The following SMAD3 variants were observed in gnomAD, a reference collection of about 807,000 sequenced individuals.
SMAD3 encodes the protein SMAD family member 3, also known as MAD homolog 3.
In SMAD3, 12 loss-of-function variants were observed where a neutral mutation model predicts 51.8. The ratio of observed to expected loss-of-function variants is 0.23; its 90% CI spans 0.15 to 0.38. The LOEUF is 0.38. Among genes scored for constraint, SMAD3 ranks in the 10% least tolerant of loss-of-function variants. SMAD3 has a pLI of 1.00. For synonymous variants in SMAD3, 238 were observed against 227.7 expected, an observed-to-expected ratio of 1.05 and a Z score of -0.41; for missense variants, 294 against 565.6, an observed-to-expected ratio of 0.52 and a Z score of 4.87.
At chr15:67,115,508 C>T (rs889018457) in intron 1 of SMAD3, among the ~76,000 whole-genome samples, 4 of 152,298 alleles carry the variant, frequency 2.6e-5, no homozygotes, top group African/African-American at 7.2e-5. Flanking sequence ...TGCTCAGAGC[C>T]GTGCTGGTTG....
chr15:67,148,182 G>GC (rs1339548895), intron 1 of SMAD3, among the ~76,000 whole-genome samples: 3 of 152,182 alleles, frequency 2.0e-5, no homozygotes, highest in Non-Finnish European at 4.4e-5. Context: ...TATTTGGAAT[G>GC]CTAGAAGGTA....
chr15:67,183,022 TATA>T (rs1963120354), intron 6 of SMAD3, among the ~76,000 whole-genome samples: 1 of 76,990 alleles, frequency 1.3e-5, no homozygotes, highest in Non-Finnish European at 2.4e-5. Flanking sequence ...TATATATATA[TATA>T]TATATATTTT....
chr15:67,083,604 A>C (rs1055334510), intron 1 of SMAD3, among the ~76,000 whole-genome samples: 1 of 152,196 alleles, frequency 6.6e-6, no homozygotes, highest in Admixed American at 6.5e-5. Flanking sequence ...TCAGAATTGC[A>C]GTTCAAACTA....
rs754796428 is a variant in SMAD3, at chr15:67,066,137, C to T, written c.-18C>T. The T allele has an allele frequency of 1.1e-5, 17 of 1,564,708 alleles. No homozygotes were observed. Among genetic ancestry groups the T allele is most frequent in the South Asian group, 2.3e-5 (2 of 85,710 alleles). On this transcript the variant is annotated 5_prime_UTR_variant, in exon 1 of 9. Transcript: ENST00000327367. ...CCCGCCGGGGGCGCTCCTCGCCGCC[C>T]GCGCGCCCTCCCCAGCCATGTCGTC... is the stretch of plus-strand genomic sequence containing the variant.
At chr15:67,099,115 C>T in intron 1 of SMAD3, 1 of 671,282 alleles carries the variant, frequency 1.5e-6, no homozygotes. Context: ...CTTCTGCATT[C>T]CTGGGAATAC....
At chr15:67,114,934 G>T (rs1961102750) in intron 1 of SMAD3, among the ~76,000 whole-genome samples, 1 of 152,170 alleles carries the variant, frequency 6.6e-6, no homozygotes. Context: ...TGTTGTTACT[G>T]CCTGTGGCTT....
intron 1 of SMAD3, chr15:67,138,586 A>G (rs1961732521): frequency 6.5e-6 from 1 of 153,174 alleles, no homozygotes; most frequent in African/African-American, 2.4e-5. Flanking sequence ...GGCAGCTGGA[A>G]TGCTGCTCTG....
At chr15:67,096,853 C>T (rs1456897285) in intron 1 of SMAD3, among the ~76,000 whole-genome samples, 1 of 152,196 alleles carries the variant, frequency 6.6e-6, no homozygotes, top group Non-Finnish European at 1.5e-5. Flanking sequence ...TGTGTGCTTG[C>T]TCTGAAGATT....
intron 5 of SMAD3, among the ~76,000 whole-genome samples, chr15:67,177,349 T>C (rs922545536): frequency 6.6e-6 from 1 of 152,038 alleles, no homozygotes; most frequent in Non-Finnish European, 1.5e-5. Flanking sequence ...AGAGTCCTTT[T>C]TGTTTCTCTG....
intron 1 of SMAD3, among the ~76,000 whole-genome samples, chr15:67,070,810 A>G (rs1365051847): frequency 2.0e-5 from 3 of 151,822 alleles, no homozygotes; most frequent in Non-Finnish European, 4.4e-5. Flanking sequence ...TGTACCTGCC[A>G]TTTTACCACC....
At chr15:67,133,760 C>T (rs910765534) in intron 1 of SMAD3, among the ~76,000 whole-genome samples, 1 of 152,122 alleles carries the variant, frequency 6.6e-6, no homozygotes, top group Non-Finnish European at 1.5e-5. Flanking sequence ...GAAGAGAGCA[C>T]TTTTTCAACA....
intron 1 of SMAD3, among the ~76,000 whole-genome samples, chr15:67,099,445 A>T (rs1416601840): frequency 6.6e-6 from 1 of 152,238 alleles, no homozygotes; most frequent in East Asian, 1.9e-4. Flanking sequence ...CACCTCCCCA[A>T]GGATTTTCTG....
intron 1 of SMAD3, among the ~76,000 whole-genome samples, chr15:67,072,315 A>G (rs1176345182): frequency 6.6e-6 from 1 of 152,206 alleles, no homozygotes; most frequent in Admixed American, 6.5e-5. Flanking sequence ...GAGCTCCTTA[A>G]TGAAATAAAT....
Position 67,065,783 on chromosome 15 carries a change from T to A in SMAD3, c.-372T>A, listed in dbSNP as rs1165668624. 1 of 202,338 alleles carries A rather than the reference T, an allele frequency of 4.9e-6. No individual in the cohort carries two copies. The highest frequency in any genetic ancestry group is 1.0e-5 in the Non-Finnish European group (1 of 98,120). The allele number at this position is 202,338 out of a possible 1,614,324, so 12.5% of individuals were successfully genotyped here. ...AGCGAAGTTTGGCCGGGGGTTGGAC[T>A]TTCCTTCCCGGAGGCGGCACCCAAA... On this transcript the variant is annotated 5_prime_UTR_variant, in exon 1 of 9. Coordinates refer to ENST00000327367, the MANE Select transcript of SMAD3 (RefSeq NM_005902.4).
intron 5 of SMAD3, among the ~76,000 whole-genome samples, chr15:67,175,432 A>G (rs1962864714): frequency 6.6e-6 from 1 of 152,046 alleles, no homozygotes; most frequent in African/African-American, 2.4e-5. Context: ...TGCCCTCTAG[A>G]TTGTGTAGAC....
At chr15:67,120,883 A>C (rs575605626) in intron 1 of SMAD3, among the ~76,000 whole-genome samples, 1 of 152,242 alleles carries the variant, frequency 6.6e-6, no homozygotes, top group East Asian at 1.9e-4. Flanking sequence ...TTTTTAGCTC[A>C]TCAGCTATCG....
intron 1 of SMAD3, among the ~76,000 whole-genome samples, chr15:67,147,992 G>A (rs905321527): frequency 6.6e-6 from 1 of 152,162 alleles, no homozygotes; most frequent in Non-Finnish European, 1.5e-5. Context: ...TCCATGTACA[G>A]TAGGGAAGAG....
Position 67,190,563 on chromosome 15 carries a change from A to G in SMAD3, c.*27A>G, listed in dbSNP as rs754534264. The G allele has an allele frequency of 6.2e-7, 1 of 1,612,798 alleles. No homozygotes were observed. Among genetic ancestry groups the G allele is most frequent in the Non-Finnish European group, 8.5e-7 (1 of 1,179,180 alleles). On this transcript the variant is annotated 3_prime_UTR_variant, in exon 9 of 9. Transcript: ENST00000327367. ...GACATCAAGTATGGTAGGGGAGGGC[A>G]GGCTTGGGGAAAATGGCCATGCAGG...
intron 1 of SMAD3, among the ~76,000 whole-genome samples, chr15:67,144,168 C>G (rs1961911173): frequency 6.6e-6 from 1 of 152,060 alleles, no homozygotes; most frequent in African/African-American, 2.4e-5. Context: ...GCCTGCTGCC[C>G]CCATCCCTAG....
Sources: allele counts gnomAD v4.1 joint callset (sites outside exome capture counted in the v4.1 genomes callset), GRCh38; gene constraint gnomAD v4.1.1; transcripts MANE v1.5; gene names NCBI Gene and HGNC (gene_info 2026-07-23, HGNC 2026-07-21).